The following SLC15A2 variants were observed in gnomAD, a reference collection of about 807,000 sequenced individuals.
SLC15A2 encodes kidney H(+)/peptide cotransporter.
Under a neutral mutation model 95.5 loss-of-function variants are expected in SLC15A2, and 77 were observed. The observed-to-expected ratio is 0.81, with a 90% CI of 0.67 to 0.97. SLC15A2 has a LOEUF of 0.97. SLC15A2 is among the 50% of genes least tolerant of loss of function. The pLI is 0.00. For missense variants in SLC15A2, 893 were observed against 874.4 expected, an observed-to-expected ratio of 1.02 and a Z score of -0.27; for synonymous variants, 306 against 306.9, an observed-to-expected ratio of 1.00 and a Z score of 0.03.
intron 3 of SLC15A2, among the ~76,000 whole-genome samples, chr3:121,904,394 A>G (rs1044694752): frequency 2.6e-5 from 4 of 152,218 alleles, no homozygotes; most frequent in African/African-American, 9.7e-5. Context: ...TATGTTGAAT[A>G]GAAGTGGTGA....
At chr3:121,938,352 C>T (rs1328252709) in intron 19 of SLC15A2, among the ~76,000 whole-genome samples, 2 of 152,246 alleles carry the variant, frequency 1.3e-5, no homozygotes, top group East Asian at 1.9e-4. Flanking sequence ...TGGCGGGCGC[C>T]CCTCCCCCAG....
At position 121,929,302 on chromosome 3, in the gene SLC15A2, G is replaced by T. The variant is rs768853168; in HGVS notation, c.1507G>T (p.Val503Leu). 3.1e-6 allele frequency: 5 copies of T among 1,613,890 alleles called. No individual in the cohort carries two copies. The East Asian group carries it at 1.1e-4, about 36-fold the overall frequency. ...EDGNSISSMM[V>L]KDTESRTTNG... ...TGATTTTTACTTTCCTCTGTTGTAG[G>T]TAAAGGATACAGAAAGCAGAACAAC... The change falls in exon 17 of 22, where the codon GTA becomes TTA. Residue 503 changes from valine (V) to leucine (L), a missense_variant and splice_region_variant. Physicochemically the swap from Val to Leu is conservative, Grantham distance 32. Transcript: ENST00000489711.
At chr3:121,902,432 C>T (rs1482007558) in intron 3 of SLC15A2, among the ~76,000 whole-genome samples, 1 of 152,116 alleles carries the variant, frequency 6.6e-6, no homozygotes, top group African/African-American at 2.4e-5. Context: ...CATAGGTATA[C>T]ATGTGCCATG....
intron 19 of SLC15A2, among the ~76,000 whole-genome samples, chr3:121,931,939 G>A (rs1002274632): frequency 7.2e-5 from 11 of 151,880 alleles, no homozygotes; most frequent in Admixed American, 2.6e-4. Context: ...CGCTCTCATC[G>A]CGCAGGCTGG....
chr3:121,902,700 T>C (rs1709543754), intron 3 of SLC15A2, among the ~76,000 whole-genome samples: 1 of 152,264 alleles, frequency 6.6e-6, no homozygotes, highest in Admixed American at 6.5e-5. Context: ...CATCCTTTTT[T>C]ATGGTTGCAT....
chr3:121,932,879 T>G (rs1315704732), intron 19 of SLC15A2, among the ~76,000 whole-genome samples: 1 of 152,168 alleles, frequency 6.6e-6, no homozygotes, highest in Non-Finnish European at 1.5e-5. Context: ...TCATCTAGCA[T>G]TAGGTATATC....
intron 4 of SLC15A2, 57 bp from the exon 5 acceptor site, chr3:121,912,964 A>G (rs1421330482): frequency 5.6e-6 from 7 of 1,240,360 alleles, no homozygotes; most frequent in Non-Finnish European, 8.3e-6. Flanking sequence ...TCTGTAGTCC[A>G]TCTCTACAGG....
At chr3:121,914,650 T>C (rs1709844677) in intron 5 of SLC15A2, among the ~76,000 whole-genome samples, 1 of 152,128 alleles carries the variant, frequency 6.6e-6, no homozygotes, top group Admixed American at 6.5e-5. Flanking sequence ...GTCCCTAATA[T>C]ATGTCGGATG....
At chr3:121,900,872 TTTAA>T (rs1709507045) in intron 3 of SLC15A2, among the ~76,000 whole-genome samples, 1 of 151,616 alleles carries the variant, frequency 6.6e-6, no homozygotes, top group Non-Finnish European at 1.5e-5. Context: ...ATTATAGTTA[TTTAA>T]TTATTTATAT....
chr3:121,894,752 G>T (rs1400375253), intron 1 of SLC15A2, among the ~76,000 whole-genome samples, 171 bp downstream of exon 1: 7 of 152,184 alleles, frequency 4.6e-5, no homozygotes, highest in Non-Finnish European at 1.0e-4. Context: ...CTTTACATAA[G>T]AAGACAAAGC....
At chr3:121,934,551 T>G (rs1710300764) in intron 19 of SLC15A2, among the ~76,000 whole-genome samples, 1 of 150,674 alleles carries the variant, frequency 6.6e-6, no homozygotes. Flanking sequence ...CACTCATGAT[T>G]TGGCTCTCTG....
At chr3:121,932,510 G>C (rs1378486156) in intron 19 of SLC15A2, among the ~76,000 whole-genome samples, 2 of 152,176 alleles carry the variant, frequency 1.3e-5, no homozygotes, top group Admixed American at 6.5e-5. Flanking sequence ...AAAGTTTGGG[G>C]ATCAGTTAAC....
At chr3:121,921,614 T>C (rs1051847900) in intron 7 of SLC15A2, among the ~76,000 whole-genome samples, 1 of 152,096 alleles carries the variant, frequency 6.6e-6, no homozygotes, top group Non-Finnish European at 1.5e-5. Context: ...TAACAATGAA[T>C]TTGGGAAGGT....
chr3:121,936,720 T>C (rs1710355769), intron 19 of SLC15A2, among the ~76,000 whole-genome samples: 1 of 150,992 alleles, frequency 6.6e-6, no homozygotes, highest in Non-Finnish European at 1.5e-5. Flanking sequence ...CTTTATCCAA[T>C]TTGCCAGTCT....
chr3:121,906,744 G>A (rs1709654182), intron 3 of SLC15A2, among the ~76,000 whole-genome samples: 2 of 152,306 alleles, frequency 1.3e-5, no homozygotes, highest in African/African-American at 4.8e-5. Flanking sequence ...AGTCTGATGG[G>A]CTTCCCTTTG....
chr3:121,922,128 T>C, intron 7 of SLC15A2, 92 bp from the exon 8 acceptor site: 1 of 971,368 alleles, frequency 1.0e-6, no homozygotes, highest in Admixed American at 2.0e-5. Context: ...TATTGTGGTT[T>C]TTGCCATTGA....
intron 3 of SLC15A2, among the ~76,000 whole-genome samples, chr3:121,898,261 T>G (rs578248467): frequency 6.6e-6 from 1 of 152,328 alleles, no homozygotes; most frequent in South Asian, 2.1e-4. Context: ...CTTTAGGATC[T>G]TCTTATGAGT....
At chr3:121,896,832 G>A (rs1344279) in intron 2 of SLC15A2, among the ~76,000 whole-genome samples, 29,742 of 146,946 alleles carry the variant, frequency 0.2, 3,750 homozygotes, top group Admixed American at 0.35. Context: ...AAGGTTATCA[G>A]GCACCTGTAA....
At chr3:121,898,083 A>T (rs1709453994) in intron 3 of SLC15A2, among the ~76,000 whole-genome samples, 1 of 152,042 alleles carries the variant, frequency 6.6e-6, no homozygotes, top group Non-Finnish European at 1.5e-5. Context: ...AGTTGCTTGA[A>T]TATGGGAGGC....
Sources: allele counts gnomAD v4.1 joint callset (sites outside exome capture counted in the v4.1 genomes callset), GRCh38; gene constraint gnomAD v4.1.1; transcripts MANE v1.5; gene names NCBI Gene and HGNC (gene_info 2026-07-23, HGNC 2026-07-21).